Variants in DOCK8 observed in about 807,000 individuals in gnomAD.
DOCK8 encodes the protein dedicator of cytokinesis protein 8.
A neutral mutation model predicts 245.6 loss-of-function variants in DOCK8; 141 were observed. That is an observed-to-expected ratio of 0.57 (90% CI 0.50 to 0.66). DOCK8 has a LOEUF of 0.66. DOCK8 is among the 30% of genes least tolerant of loss of function. The pLI is 0.00. For synonymous variants in DOCK8, 1,168 were observed against 970.2 expected (o/e 1.20, Z -3.79); for missense variants, 2,965 against 2,603.4 (o/e 1.14, Z -3.02).
At chr9:388,596 C>G (rs1407545454) in intron 23 of DOCK8, among the ~76,000 whole-genome samples, 1 of 151,686 alleles carries the variant, frequency 6.6e-6, no homozygotes, top group Non-Finnish European at 1.5e-5. Context: ...ACTCTGTCAC[C>G]CAGGCTGGAG....
rs771347031 is a variant in DOCK8, at chr9:371,468, G to A, written c.1909G>A (p.Ala637Thr). ...FYEEVKIKLP[A>T]KLTVNHHLLF... Reference sequence around the variant, plus strand: ...TGAAGAAGTGAAAATTAAGCTCCCCGCTAAGCTCACAGTAAATCACCACCT... The same window carrying A: ...TGAAGAAGTGAAAATTAAGCTCCCCACTAAGCTCACAGTAAATCACCACCT... The change falls in exon 17 of 48, where the codon GCT becomes ACT. Residue 637 changes from alanine to threonine, a missense_variant. By Grantham distance (58) the Ala-to-Thr change is moderately conservative (BLOSUM62 0). Transcript: ENST00000432829. 10 of 1,614,010 alleles carry A rather than the reference G, an allele frequency of 6.2e-6. No homozygotes were observed. The highest frequency in any genetic ancestry group is 3.3e-5 in the South Asian group (3 of 91,078).
intron 1 of DOCK8, among the ~76,000 whole-genome samples, chr9:244,081 T>C (rs10122621): frequency 0.024 from 3,664 of 151,040 alleles, 60 homozygotes; most frequent in South Asian, 0.048. Context: ...CCAGCTACTC[T>C]GGAGGCTGAG....
intron 4 of DOCK8, among the ~76,000 whole-genome samples, chr9:289,838 T>C (rs1374188116): frequency 1.3e-5 from 2 of 152,202 alleles, no homozygotes; most frequent in African/African-American, 2.4e-5. Flanking sequence ...CTAAAGACCA[T>C]AGTTTACATT....
At chr9:390,441 C>T (rs757577405) in intron 23 of DOCK8, 30 bp from the exon 24 acceptor site, 22 of 1,596,676 alleles carry the variant, frequency 1.4e-5, no homozygotes, top group Non-Finnish European at 1.9e-5. Context: ...GCCTTTGTTT[C>T]ACAGCCTAAT....
chr9:378,966 A>G (rs2053627827), intron 20 of DOCK8, among the ~76,000 whole-genome samples: 1 of 152,154 alleles, frequency 6.6e-6, no homozygotes, highest in Admixed American at 6.5e-5. Context: ...GTGGAGTCAG[A>G]CGGCTTCATG....
chr9:316,517 C>G (rs546754367), intron 6 of DOCK8, among the ~76,000 whole-genome samples: 69 of 152,256 alleles, frequency 4.5e-4, no homozygotes, highest in African/African-American at 1.7e-3. Flanking sequence ...CTTGTCAATT[C>G]AACCCCAAGT....
chr9:279,147 A>T (rs1441883717), intron 2 of DOCK8, among the ~76,000 whole-genome samples: 1 of 152,188 alleles, frequency 6.6e-6, no homozygotes, highest in African/African-American at 2.4e-5. Flanking sequence ...ATTGACTTTA[A>T]TGTTTTCCAC....
intron 14 of DOCK8, among the ~76,000 whole-genome samples, chr9:346,091 A>T (rs1271573687): frequency 6.6e-6 from 1 of 151,956 alleles, no homozygotes; most frequent in Non-Finnish European, 1.5e-5. Context: ...CCTCTGAACC[A>T]GAGCCAGGCA....
At chr9:435,117 C>G in intron 39 of DOCK8, 142 bp downstream of exon 39, 1 of 947,642 alleles carries the variant, frequency 1.1e-6, no homozygotes, top group Non-Finnish European at 1.6e-6. Flanking sequence ...CTACTGGCAT[C>G]TGACTGGTAG....
At chr9:426,852 T>C (rs2056521142) in intron 33 of DOCK8, 33 bp from the exon 34 acceptor site, 1 of 1,589,176 alleles carries the variant, frequency 6.3e-7, no homozygotes, top group Non-Finnish European at 8.6e-7. Flanking sequence ...AGGTTTGACA[T>C]GCGCTTTAAT....
At chr9:221,933 A>C (rs1289285582) in intron 1 of DOCK8, among the ~76,000 whole-genome samples, 1 of 152,100 alleles carries the variant, frequency 6.6e-6, no homozygotes, top group Non-Finnish European at 1.5e-5. Flanking sequence ...ATGATTTATT[A>C]AATTAATTTT....
chr9:333,107 C>T (rs1357686133), intron 10 of DOCK8, among the ~76,000 whole-genome samples: 1 of 152,176 alleles, frequency 6.6e-6, no homozygotes, highest in Non-Finnish European at 1.5e-5. Context: ...TCCGTGGAGA[C>T]CCCAAAACTA....
intron 18 of DOCK8, 128 bp from the exon 19 acceptor site, chr9:376,082 G>T (rs1014500869): frequency 1.9e-4 from 142 of 753,138 alleles, no homozygotes; most frequent in Non-Finnish European, 3.1e-4. Flanking sequence ...AGAACAGTTA[G>T]ATTAGTTTTC....
intron 46 of DOCK8, among the ~76,000 whole-genome samples, chr9:458,919 A>G (rs2057723519): frequency 6.6e-6 from 1 of 152,218 alleles, no homozygotes; most frequent in African/African-American, 2.4e-5. Flanking sequence ...TGTTACTGCC[A>G]TCAAAAGCCA....
At chr9:261,479 A>G (rs1175780849) in intron 1 of DOCK8, among the ~76,000 whole-genome samples, 1 of 152,198 alleles carries the variant, frequency 6.6e-6, no homozygotes, top group African/African-American at 2.4e-5. Flanking sequence ...TAGCTACTCT[A>G]TATGATTTCT....
intron 39 of DOCK8, among the ~76,000 whole-genome samples, chr9:436,604 C>G (rs1053035292): frequency 6.6e-6 from 1 of 151,952 alleles, no homozygotes; most frequent in Non-Finnish European, 1.5e-5. Flanking sequence ...ATTTAGTAAG[C>G]CTTACTGTTC....
At chr9:403,858 A>ATCTCTCTCTCTCTC (rs749646963) in intron 26 of DOCK8, among the ~76,000 whole-genome samples, 1 of 83,970 alleles carries the variant, frequency 1.2e-5, no homozygotes, top group African/African-American at 4.6e-5. Context: ...AAGACTCTGT[A>ATCTCTCTCTCTCTC]TCTCTCTCTC....
chr9:319,462 G>C (rs1418448540), intron 7 of DOCK8, among the ~76,000 whole-genome samples: 1 of 152,194 alleles, frequency 6.6e-6, no homozygotes, highest in East Asian at 1.9e-4. Flanking sequence ...AACTGCAAGA[G>C]AAGAGATAGA....
At chr9:350,262 G>T (rs1586768243) in intron 14 of DOCK8, among the ~76,000 whole-genome samples, 1 of 152,098 alleles carries the variant, frequency 6.6e-6, no homozygotes, top group African/African-American at 2.4e-5. Context: ...ACTGCTGTGT[G>T]TCACCACACC....
Sources: gnomAD v4.1 joint callset for allele counts (sites outside exome capture counted in the v4.1 genomes callset) on GRCh38, gnomAD v4.1.1 for gene constraint, MANE v1.5 for transcripts, NCBI Gene and HGNC (gene_info 2026-07-23, HGNC 2026-07-21) for gene names.